Variants in LRRC4C observed in about 807,000 individuals in gnomAD.
The protein encoded by LRRC4C is leucine rich repeat containing 4C.
A neutral mutation model predicts 33.6 loss-of-function variants in LRRC4C; 5 were observed. The ratio of observed to expected loss-of-function variants is 0.15; its 90% CI spans 0.08 to 0.31. The LOEUF is 0.31. Ranked by LOEUF, LRRC4C falls within the 10% of genes least tolerant of loss-of-function variation. LRRC4C has a pLI of 1.00. For missense variants in LRRC4C, 560 were observed against 796.7 expected, an observed-to-expected ratio of 0.70 and a Z score of 3.58; for synonymous variants, 329 against 302.0, an observed-to-expected ratio of 1.09 and a Z score of -0.93.
chr11:40,825,985 A>C (rs1434163105), intron 2 of LRRC4C, among the ~76,000 whole-genome samples: 1 of 151,238 alleles, frequency 6.6e-6, no homozygotes, highest in Non-Finnish European at 1.5e-5. Context: ...CAGGAGGATA[A>C]AGTGAGGAAA....
At chr11:41,367,665 C>T (rs938819390) in intron 1 of LRRC4C, among the ~76,000 whole-genome samples, 17 of 151,424 alleles carry the variant, frequency 1.1e-4, no homozygotes, top group African/African-American at 3.6e-4. Flanking sequence ...ATATACATAC[C>T]CCTTCTTCAT....
chr11:40,729,665 A>T (rs1947461144), intron 2 of LRRC4C, among the ~76,000 whole-genome samples: 1 of 152,158 alleles, frequency 6.6e-6, no homozygotes, highest in South Asian at 2.1e-4. Context: ...CACACACTGA[A>T]AGTTCATTGG....
At chr11:40,682,380 C>T (rs1461304415) in intron 2 of LRRC4C, among the ~76,000 whole-genome samples, 1 of 152,044 alleles carries the variant, frequency 6.6e-6, no homozygotes, top group Non-Finnish European at 1.5e-5. Flanking sequence ...TCAAACACTG[C>T]CTTATAAAAA....
intron 2 of LRRC4C, among the ~76,000 whole-genome samples, chr11:40,702,708 T>C (rs994119197): frequency 6.6e-6 from 1 of 151,882 alleles, no homozygotes; most frequent in Non-Finnish European, 1.5e-5. Flanking sequence ...TCAAACAATA[T>C]CACCACCAAG....
At chr11:40,906,281 C>A (rs191662368) in intron 2 of LRRC4C, among the ~76,000 whole-genome samples, 1 of 152,178 alleles carries the variant, frequency 6.6e-6, no homozygotes, top group African/African-American at 2.4e-5. Context: ...GAGGCCAAGG[C>A]GGGTGAATCA....
intron 1 of LRRC4C, among the ~76,000 whole-genome samples, chr11:41,056,008 A>G (rs1336106732): frequency 1.3e-5 from 2 of 152,214 alleles, no homozygotes; most frequent in African/African-American, 2.4e-5. Context: ...ACTGGCATTA[A>G]GAAGTGTTAG....
intron 1 of LRRC4C, among the ~76,000 whole-genome samples, chr11:41,340,712 G>A (rs11036362): frequency 1.3e-5 from 2 of 151,894 alleles, no homozygotes; most frequent in Admixed American, 1.3e-4. Context: ...TTCTCCTTTA[G>A]AAAATAAAGA....
intron 1 of LRRC4C, among the ~76,000 whole-genome samples, chr11:41,412,155 G>A (rs1171700577): frequency 1.3e-5 from 2 of 151,704 alleles, no homozygotes; most frequent in Non-Finnish European, 2.9e-5. Context: ...TTTTCACTTT[G>A]TAAACATTTA....
At chr11:40,336,383 C>T (rs906055020) in intron 3 of LRRC4C, among the ~76,000 whole-genome samples, 1 of 152,138 alleles carries the variant, frequency 6.6e-6, no homozygotes, top group African/African-American at 2.4e-5. Context: ...ATTGATTCTC[C>T]TCTCTTCCCT....
chr11:41,088,842 C>G (rs1158938721), intron 1 of LRRC4C, among the ~76,000 whole-genome samples: 1 of 151,976 alleles, frequency 6.6e-6, no homozygotes, highest in African/African-American at 2.4e-5. Flanking sequence ...TACTAATGTA[C>G]ATTTATTTGA....
chr11:40,156,916 C>G (rs1485209914), intron 5 of LRRC4C, among the ~76,000 whole-genome samples: 1 of 151,982 alleles, frequency 6.6e-6, no homozygotes, highest in African/African-American at 2.4e-5. Context: ...AAAAACAATT[C>G]TAAAATTCAT....
chr11:40,250,503 G>T (rs374635315), intron 4 of LRRC4C, among the ~76,000 whole-genome samples: 32 of 151,938 alleles, frequency 2.1e-4, no homozygotes, highest in African/African-American at 5.8e-4. Flanking sequence ...ACTTTGGGAG[G>T]TCAAGTAGGG....
chr11:41,047,859 T>C (rs1458705687), intron 1 of LRRC4C, among the ~76,000 whole-genome samples: 2 of 152,178 alleles, frequency 1.3e-5, no homozygotes, highest in Non-Finnish European at 2.9e-5. Flanking sequence ...CTCACCTTGA[T>C]GTGTATATAC....
At chr11:40,925,685 G>A (rs1278869264) in intron 2 of LRRC4C, among the ~76,000 whole-genome samples, 1 of 152,126 alleles carries the variant, frequency 6.6e-6, no homozygotes, top group East Asian at 1.9e-4. Context: ...ACAAACTTAT[G>A]TTGAATCCTG....
chr11:40,980,227 CA>C (rs1852419154), intron 1 of LRRC4C, among the ~76,000 whole-genome samples: 1 of 152,040 alleles, frequency 6.6e-6, no homozygotes, highest in South Asian at 2.1e-4. Context: ...CAGTTTCCTT[CA>C]AAAAGGGGAC....
At chr11:40,559,901 A>T (rs1957481343) in intron 3 of LRRC4C, among the ~76,000 whole-genome samples, 1 of 152,158 alleles carries the variant, frequency 6.6e-6, no homozygotes, top group Non-Finnish European at 1.5e-5. Context: ...GACAAAAATA[A>T]ATAAACACAT....
chr11:41,408,755 A>AAAAAAAAAAAAAAAAAACAAAC (rs1191106845), intron 1 of LRRC4C, among the ~76,000 whole-genome samples: 8 of 148,004 alleles, frequency 5.4e-5, no homozygotes, highest in African/African-American at 2.1e-4. Flanking sequence ...TGTAAAAAAA[A>AAAAAAAAAAAAAAAAAACAAAC]AAAAAAAAAA....
intron 5 of LRRC4C, among the ~76,000 whole-genome samples, chr11:40,163,871 G>A (rs1461721209): frequency 6.6e-6 from 1 of 152,028 alleles, no homozygotes; most frequent in Non-Finnish European, 1.5e-5. Flanking sequence ...GCAAAAAATT[G>A]CAAAAGTGGT....
At chr11:40,266,433 C>T (rs1942265364) in intron 4 of LRRC4C, among the ~76,000 whole-genome samples, 1 of 152,158 alleles carries the variant, frequency 6.6e-6, no homozygotes, top group South Asian at 2.1e-4. Flanking sequence ...TGCCACTGCA[C>T]TTCAGCCTGG....
Sources: gnomAD v4.1 joint callset for allele counts (sites outside exome capture counted in the v4.1 genomes callset) on GRCh38, gnomAD v4.1.1 for gene constraint, MANE v1.5 for transcripts, NCBI Gene and HGNC (gene_info 2026-07-23, HGNC 2026-07-21) for gene names.